The following DCC variants were observed in gnomAD, a reference collection of about 807,000 sequenced individuals.
The protein encoded by DCC is netrin receptor DCC.
A neutral mutation model predicts 172.5 loss-of-function variants in DCC; 58 were observed. The ratio of observed to expected loss-of-function variants is 0.34; its 90% confidence interval spans 0.27 to 0.42. The LOEUF (loss-of-function observed/expected upper bound fraction) is 0.42. DCC is among the 10% of genes least tolerant of loss of function. The pLI is 1.00. For missense variants in DCC, 1,740 were observed against 1,791.0 expected (o/e 0.97, Z 0.51); for synonymous variants, 709 against 644.5 (o/e 1.10, Z -1.52).
intron 1 of DCC, among the ~76,000 whole-genome samples, chr18:52,451,453 G>A (rs569381900): frequency 2.0e-5 from 3 of 152,220 alleles, no homozygotes; most frequent in East Asian, 1.9e-4. Context: ...AGCCTCACAC[G>A]CCCGGTAGCC....
chr18:52,477,549 C>T (rs1989128954), intron 1 of DCC, among the ~76,000 whole-genome samples: 1 of 152,166 alleles, frequency 6.6e-6, no homozygotes, highest in Non-Finnish European at 1.5e-5. Flanking sequence ...GTAACAGGGA[C>T]TTCCACAAGA....
intron 7 of DCC, among the ~76,000 whole-genome samples, chr18:53,076,533 A>G (rs936112233): frequency 6.6e-6 from 1 of 152,178 alleles, no homozygotes; most frequent in African/African-American, 2.4e-5. Flanking sequence ...TAGGATTAGT[A>G]GATCCCGTGG....
rs2034521380 is a variant in DCC at position 52,623,650 on chromosome 18, A to G, written c.92-128404A>G. Among the ~76,000 whole-genome samples the G allele has an allele frequency of 3.3e-5, 5 of 152,160 alleles. 1 individual carries two copies. In the South Asian group the frequency reaches 1.0e-3, roughly 32 times the overall value. ...ATAACGGGATTACATAGATTGGTTT[A>G]TTTTCCACAATTTTCTAAACAAGGT... On this transcript the variant is annotated intron_variant, in intron 1 of 28. Transcript: ENST00000442544.
intron 1 of DCC, among the ~76,000 whole-genome samples, chr18:52,618,776 C>T (rs909005323): frequency 1.1e-4 from 16 of 152,268 alleles, no homozygotes; most frequent in Admixed American, 9.2e-4. Flanking sequence ...ACCTTCTTTT[C>T]AGAAGCGCCC....
At chr18:52,750,050 C>T (rs995723234) in intron 1 of DCC, among the ~76,000 whole-genome samples, 1 of 152,078 alleles carries the variant, frequency 6.6e-6, no homozygotes, top group Non-Finnish European at 1.5e-5. Flanking sequence ...GAAGAGATCA[C>T]GTAGACATGG....
intron 5 of DCC, among the ~76,000 whole-genome samples, chr18:53,033,397 G>A (rs986709021): frequency 5.3e-5 from 8 of 152,100 alleles, no homozygotes; most frequent in South Asian, 2.1e-4. Flanking sequence ...TGACTCTTTC[G>A]CAATGTTTCC....
At chr18:52,784,911 A>G (rs1254717756) in intron 2 of DCC, among the ~76,000 whole-genome samples, 1 of 140,000 alleles carries the variant, frequency 7.1e-6, no homozygotes, top group Non-Finnish European at 1.5e-5. Flanking sequence ...GTGGAGGGGG[A>G]GAGAGAGAGA....
At chr18:52,889,398 C>T (rs1040098069) in intron 2 of DCC, among the ~76,000 whole-genome samples, 1 of 152,020 alleles carries the variant, frequency 6.6e-6, no homozygotes, top group African/African-American at 2.4e-5. Context: ...AATTAATCAG[C>T]CAATAGCCAT....
chr18:52,519,556 G>A (rs950468234), intron 1 of DCC, among the ~76,000 whole-genome samples: 4 of 152,196 alleles, frequency 2.6e-5, no homozygotes, highest in Admixed American at 1.3e-4. Flanking sequence ...CAGGCAATGG[G>A]ATGGGGGAAA....
chr18:52,476,447 AT>A (rs1312600173), intron 1 of DCC, among the ~76,000 whole-genome samples: 1 of 152,136 alleles, frequency 6.6e-6, no homozygotes, highest in Admixed American at 6.5e-5. Flanking sequence ...TCTTTTATTC[AT>A]TTAATGTTGC....
intron 5 of DCC, among the ~76,000 whole-genome samples, chr18:53,032,378 G>C (rs1275430939): frequency 3.3e-5 from 5 of 152,112 alleles, no homozygotes; most frequent in Admixed American, 3.3e-4. Flanking sequence ...TTTGTTGTCA[G>C]CTCTTTGCAT....
intron 5 of DCC, among the ~76,000 whole-genome samples, chr18:53,035,460 T>A (rs2042080610): frequency 6.6e-6 from 1 of 152,132 alleles, no homozygotes; most frequent in Non-Finnish European, 1.5e-5. Flanking sequence ...CTGGTCAAAC[T>A]GATATAATTA....
intron 27 of DCC, among the ~76,000 whole-genome samples, chr18:53,524,421 T>G (rs1325233329): frequency 6.6e-6 from 1 of 152,072 alleles, no homozygotes; most frequent in East Asian, 1.9e-4. Flanking sequence ...ACAATCTCAT[T>G]TATCATATTA....
intron 23 of DCC, among the ~76,000 whole-genome samples, chr18:53,451,373 C>T (rs1010170138): frequency 4.6e-5 from 7 of 152,192 alleles, no homozygotes; most frequent in African/African-American, 1.7e-4. Flanking sequence ...CAGCAACACC[C>T]TGTAACTGGC....
intron 1 of DCC, among the ~76,000 whole-genome samples, chr18:52,672,639 CCT>C (rs1299601706): frequency 6.6e-6 from 1 of 151,604 alleles, no homozygotes; most frequent in African/African-American, 2.4e-5. Context: ...TTCCCTCTTT[CCT>C]CTTTTTCCCC....
At chr18:52,380,555 T>A (rs1985542646) in intron 1 of DCC, among the ~76,000 whole-genome samples, 1 of 152,100 alleles carries the variant, frequency 6.6e-6, no homozygotes, top group Admixed American at 6.6e-5. Context: ...TCATTTCAGA[T>A]GGGCACTTTG....
At position 52,699,945 on chromosome 18, in the gene DCC, G is replaced by A. The variant is rs535806423; in HGVS notation, c.92-52109G>A. On this transcript the variant is annotated intron_variant, in intron 1 of 28. Transcript: ENST00000442544. ...AGTTGTGTTCATTCTGACCATTAAA[G>A]TGTAGGTATCGCTGCAGATAAATCT... is the stretch of plus-strand genomic sequence containing the variant. Among the ~76,000 whole-genome samples the A allele has an allele frequency of 2.0e-5, 3 of 152,000 alleles. No individual in the cohort carries two copies. The South Asian group carries it at 6.2e-4, about 32-fold the overall frequency.
intron 1 of DCC, among the ~76,000 whole-genome samples, chr18:52,737,523 T>C (rs1035569879): frequency 1.3e-5 from 2 of 152,130 alleles, no homozygotes; most frequent in African/African-American, 4.8e-5. Flanking sequence ...TAGGACAGGA[T>C]GATATGAAAA....
At chr18:53,102,269 A>C (rs780976806) in intron 7 of DCC, among the ~76,000 whole-genome samples, 92 of 152,102 alleles carry the variant, frequency 6.0e-4, no homozygotes, top group Admixed American at 1.9e-3. Context: ...TGCCTACTTC[A>C]TTTTGTTAAA....
Sources: allele counts gnomAD v4.1 joint callset (sites outside exome capture counted in the v4.1 genomes callset), GRCh38; gene constraint gnomAD v4.1.1; transcripts MANE v1.5; gene names NCBI Gene and HGNC (gene_info 2026-07-23, HGNC 2026-07-21).